The following TESK2 variants were observed in gnomAD, a reference collection of about 807,000 sequenced individuals.
The protein encoded by TESK2 is dual specificity testis-specific protein kinase 2.
A neutral mutation model predicts 57.1 loss-of-function variants in TESK2; 39 were observed. That is an observed-to-expected ratio of 0.68 (90% CI 0.53 to 0.89). The LOEUF (loss-of-function observed/expected upper bound fraction) is 0.89. TESK2 is among the 40% of genes least tolerant of loss of function. The pLI is 0.00. For missense variants in TESK2, 646 were observed against 732.1 expected (o/e 0.88, Z 1.36); for synonymous variants, 249 against 267.9 (o/e 0.93, Z 0.69).
chr1:45,449,851 GTTAA>G (rs1283930404), intron 2 of TESK2, among the ~76,000 whole-genome samples: 6 of 152,102 alleles, frequency 3.9e-5, no homozygotes, highest in African/African-American at 1.2e-4. Flanking sequence ...TTTTCAGATA[GTTAA>G]TTGTCTAAAT....
chr1:45,475,629 T>C (rs529715119), intron 1 of TESK2, among the ~76,000 whole-genome samples: 11 of 152,322 alleles, frequency 7.2e-5, no homozygotes, highest in African/African-American at 2.2e-4. Flanking sequence ...GAGTGTCAAC[T>C]TGATTGGACT....
At chr1:45,455,505 T>C (rs1176471662) in intron 2 of TESK2, among the ~76,000 whole-genome samples, 1 of 152,212 alleles carries the variant, frequency 6.6e-6, no homozygotes, top group Non-Finnish European at 1.5e-5. Flanking sequence ...GGCGGCCCTA[T>C]GATTAGACCT....
chr1:45,357,239 A>AAATG (rs58647663), intron 4 of TESK2, among the ~76,000 whole-genome samples: 5,263 of 126,752 alleles, frequency 0.042, 375 homozygotes, highest in African/African-American at 0.14. Context: ...ATAAATAAAT[A>AAATG]AATGTATGTA....
chr1:45,490,589 G>A (rs1653677872), intron 1 of TESK2, among the ~76,000 whole-genome samples: 1 of 152,122 alleles, frequency 6.6e-6, no homozygotes, highest in Non-Finnish European at 1.5e-5. Context: ...TAATGCGAGC[G>A]AGGTAACTTC....
In TESK2 at chr1:45,345,517, G is replaced by T. The variant is rs1285265992; in HGVS notation, c.1039C>A (p.Leu347Met). ...GACTTGTGGGGGATCTTGTCATCCA[G>T]TGAGCTTAGTCGCTTCACCCCAGGT... Reference protein sequence around the residue: ...KAPGVKRLSSLDDKIPHKSPC... With the variant: ...KAPGVKRLSSMDDKIPHKSPC... Residue 347 changes from leucine (L) to methionine (M), a missense_variant, in exon 11 of 11, where the codon CTG (leucine) becomes ATG (methionine). Transcript: ENST00000372086. 6.2e-7 allele frequency: 1 copy of T among 1,614,176 alleles called. No homozygotes were observed. Among genetic ancestry groups the T allele is most frequent in the East Asian group, 2.2e-5 (1 of 44,888 alleles).
chr1:45,405,267 C>A (rs1219086929), intron 3 of TESK2, among the ~76,000 whole-genome samples: 1 of 152,142 alleles, frequency 6.6e-6, no homozygotes, highest in Non-Finnish European at 1.5e-5. Flanking sequence ...ATCTCCTGAT[C>A]TCCCATTTCC....
chr1:45,421,796 C>T lies in TESK2; in HGVS notation c.273G>A (p.Leu91=). 1 of 1,614,054 alleles carries T rather than the reference C, an allele frequency of 6.2e-7. No individual in the cohort carries two copies. Among genetic ancestry groups the T allele is most frequent in the Non-Finnish European group, 8.5e-7 (1 of 1,180,000 alleles). Reference sequence around the variant, plus strand: ...TCAGCATGTTTGCCCGGTTACTGCTCAATGTGTTCATCTTAAGAGCCATCA... The same window carrying T: ...TCAGCATGTTTGCCCGGTTACTGCTTAATGTGTTCATCTTAAGAGCCATCA... The part of the protein sequence containing the change: ...GQVMALKMNT[L]SSNRANMLKE... Residue 91 remains leucine (L), a synonymous_variant, in exon 3 of 11, where the codon TTG becomes TTA. Coordinates refer to ENST00000372086, the MANE Select transcript of TESK2 (RefSeq NM_007170.3).
At chr1:45,456,171 G>T (rs909219557) in intron 2 of TESK2, among the ~76,000 whole-genome samples, 2 of 151,648 alleles carry the variant, frequency 1.3e-5, no homozygotes, top group African/African-American at 4.8e-5. Flanking sequence ...ACTCTAGCCT[G>T]GGTGACAGAG....
intron 1 of TESK2, among the ~76,000 whole-genome samples, chr1:45,466,570 G>T (rs1267099008): frequency 6.6e-6 from 1 of 151,662 alleles, no homozygotes; most frequent in East Asian, 1.9e-4. Flanking sequence ...CATTAGTTGG[G>T]TCCCAGGAGG....
intron 2 of TESK2, among the ~76,000 whole-genome samples, chr1:45,427,212 C>G (rs1424735810): frequency 7.0e-6 from 1 of 142,986 alleles, no homozygotes; most frequent in Admixed American, 7.2e-5. Flanking sequence ...CACTGCACTT[C>G]AGCCTCAGCA....
chr1:45,390,670 G>A (rs1333715293), intron 3 of TESK2, among the ~76,000 whole-genome samples: 1 of 150,828 alleles, frequency 6.6e-6, no homozygotes, highest in Non-Finnish European at 1.5e-5. Flanking sequence ...TGAACTTCTG[G>A]GCTCAAGCAA....
chr1:45,442,398 G>GTGA (rs1284800218), intron 2 of TESK2, among the ~76,000 whole-genome samples: 1 of 151,828 alleles, frequency 6.6e-6, no homozygotes, highest in Non-Finnish European at 1.5e-5. Flanking sequence ...GGGTAATGAC[G>GTGA]TGTACTTGAA....
chr1:45,421,491 T>C (rs1570713014), intron 3 of TESK2, among the ~76,000 whole-genome samples: 1 of 152,192 alleles, frequency 6.6e-6, no homozygotes, highest in East Asian at 1.9e-4. Context: ...ACTAATGTTC[T>C]AATGAGAGTA....
At chr1:45,424,483 T>C (rs12139364) in intron 2 of TESK2, among the ~76,000 whole-genome samples, 67,346 of 152,108 alleles carry the variant, frequency 0.44, 15,911 homozygotes, top group East Asian at 0.57. Flanking sequence ...ATGTACCTCT[T>C]GACTGATGAA....
intron 2 of TESK2, among the ~76,000 whole-genome samples, chr1:45,430,247 C>T (rs955975967): frequency 3.3e-5 from 5 of 151,958 alleles, no homozygotes; most frequent in African/African-American, 1.2e-4. Flanking sequence ...CCCAACACTT[C>T]GGAAGGCTGA....
At chr1:45,438,269 G>C (rs1347411444) in intron 2 of TESK2, among the ~76,000 whole-genome samples, 3 of 152,194 alleles carry the variant, frequency 2.0e-5, no homozygotes, top group Non-Finnish European at 4.4e-5. Context: ...GCTGAGGCAG[G>C]TGGATCACCT....
intron 3 of TESK2, among the ~76,000 whole-genome samples, chr1:45,396,623 G>C (rs962683181): frequency 6.6e-6 from 1 of 150,724 alleles, no homozygotes; most frequent in Non-Finnish European, 1.5e-5. Flanking sequence ...CGAGTAGCTG[G>C]GATTACAGGC....
chr1:45,384,909 C>A (rs1394440043), intron 4 of TESK2, among the ~76,000 whole-genome samples: 1 of 152,086 alleles, frequency 6.6e-6, no homozygotes, highest in African/African-American at 2.4e-5. Context: ...AGAGGCAGGG[C>A]ATAGCTGCAC....
At chr1:45,449,478 T>C (rs1398909196) in intron 2 of TESK2, among the ~76,000 whole-genome samples, 1 of 152,030 alleles carries the variant, frequency 6.6e-6, no homozygotes, top group African/African-American at 2.4e-5. Context: ...AGATAAGCTG[T>C]GGTAGATTGA....
Sources: gnomAD v4.1 joint callset for allele counts (sites outside exome capture counted in the v4.1 genomes callset) on GRCh38, gnomAD v4.1.1 for gene constraint, MANE v1.5 for transcripts, NCBI Gene and HGNC (gene_info 2026-07-23, HGNC 2026-07-21) for gene names.